The following LRRN2 variants were observed in gnomAD, a reference collection of about 807,000 sequenced individuals.
LRRN2 encodes leucine-rich repeat neuronal protein 2.
A neutral mutation model predicts 35.7 loss-of-function variants in LRRN2; 10 were observed. The observed-to-expected ratio is 0.28, with a 90% CI of 0.17 to 0.47. The LOEUF is 0.47. Among genes scored for constraint, LRRN2 ranks in the 20% least tolerant of loss-of-function variants. LRRN2 has a pLI of 0.99. For missense variants in LRRN2, 731 were observed against 940.3 expected (o/e 0.78, Z 2.91); for synonymous variants, 391 against 409.6 (o/e 0.95, Z 0.55).
At position 204,631,256 on chromosome 1, in the gene LRRN2, C is replaced by CTATA. The variant is rs1162626713; in HGVS notation, c.-226-11042_-226-11039dup. ...CAAGAAGAGTGATACCTAGAGTGTT[C>CTATA]TATATATATATATATATATATATAT... On this transcript the variant is annotated intron_variant, in intron 1 of 1. Transcript: ENST00000367177. Among the ~76,000 whole-genome samples the CTATA allele has an allele frequency of 7.7e-3, 285 of 36,822 alleles. 13 individuals carry two copies. The highest frequency in any genetic ancestry group is 8.4e-3 in the Non-Finnish European group (166 of 19,688). 24.2% of individuals were successfully genotyped at this position (36,822 alleles called of 152,430 possible).
intron 1 of LRRN2, among the ~76,000 whole-genome samples, chr1:204,637,829 A>G (rs1667873603): frequency 6.6e-6 from 1 of 152,088 alleles, no homozygotes; most frequent in Non-Finnish European, 1.5e-5. Context: ...TGCTCTTTAA[A>G]CACAGGAGTT....
intron 1 of LRRN2, among the ~76,000 whole-genome samples, chr1:204,646,158 AG>A (rs1302078002): frequency 1.3e-5 from 2 of 151,970 alleles, no homozygotes. Context: ...AAAGATGGGG[AG>A]GGGGGACTCC....
rs1189629369 is a variant in LRRN2, at chr1:204,618,651, G to T, written c.1342C>A (p.Leu448Met). ...TAGATCTCGGGTTCGGGTTCGGCCA[G>T]TGCCCGGCAATGCAGCACCATGCTC... ...GESMVLHCRA[L>M]AEPEPEIYWV... Residue 448 changes from leucine to methionine, a missense_variant, in exon 2 of 2, where the codon CTG becomes ATG. Leu to Met is a conservative substitution (Grantham distance 15). This residue lies in a region of LRRN2 where 256 missense variants were observed against 392.4 expected (regional missense o/e 0.65). Coordinates refer to ENST00000367177, the MANE Select transcript of LRRN2 (RefSeq NM_201630.2). 2 of 1,609,266 alleles carry T rather than the reference G, an allele frequency of 1.2e-6. No individual in the cohort carries two copies. The highest frequency in any genetic ancestry group is 1.7e-6 in the Non-Finnish European group (2 of 1,177,498).
chr1:204,683,713 T>C (rs1197988908), intron 1 of LRRN2, among the ~76,000 whole-genome samples: 1 of 152,164 alleles, frequency 6.6e-6, no homozygotes, highest in Non-Finnish European at 1.5e-5. Flanking sequence ...TTTAGTTCCA[T>C]GCTTTGCAAA....
At chr1:204,639,355 C>T (rs528315870) in intron 1 of LRRN2, among the ~76,000 whole-genome samples, 6 of 152,306 alleles carry the variant, frequency 3.9e-5, no homozygotes, top group Admixed American at 6.5e-5. Context: ...GAGTAATAGC[C>T]GGGCATGGTG....
chr1:204,666,554 T>A (rs766835651), intron 1 of LRRN2, among the ~76,000 whole-genome samples: 1 of 152,288 alleles, frequency 6.6e-6, no homozygotes, highest in Non-Finnish European at 1.5e-5. Flanking sequence ...GGGTGGATGG[T>A]TAAATAATTG....
At chr1:204,682,543 G>A (rs993110889) in intron 1 of LRRN2, among the ~76,000 whole-genome samples, 1 of 152,194 alleles carries the variant, frequency 6.6e-6, no homozygotes, top group African/African-American at 2.4e-5. Context: ...TCCTCTCCAG[G>A]CCTCAATTTC....
At chr1:204,626,122 C>T (rs868502150) in intron 1 of LRRN2, among the ~76,000 whole-genome samples, 18 of 152,130 alleles carry the variant, frequency 1.2e-4, no homozygotes, top group South Asian at 2.1e-4. Flanking sequence ...TCACTCTACT[C>T]GGCAGTCTCA....
At chr1:204,632,065 C>T (rs181870829) in intron 1 of LRRN2, among the ~76,000 whole-genome samples, 2 of 151,874 alleles carry the variant, frequency 1.3e-5, no homozygotes, top group Non-Finnish European at 2.9e-5. Flanking sequence ...TACCAAAAAA[C>T]AAACAAACAA....
intron 1 of LRRN2, among the ~76,000 whole-genome samples, chr1:204,631,476 G>A (rs1359800173): frequency 4.0e-5 from 6 of 150,064 alleles, no homozygotes; most frequent in Non-Finnish European, 8.9e-5. Context: ...AGGAGGGCAG[G>A]TGGGGATTCA....
Position 204,681,784 on chromosome 1 carries a change from T to A in LRRN2, c.-227+3536A>T, listed in dbSNP as rs1438359460. On this transcript the variant is annotated intron_variant, in intron 1 of 1. Coordinates refer to ENST00000367177, the MANE Select transcript of LRRN2 (RefSeq NM_201630.2). Reference sequence around the variant, plus strand: ...AGGCCCCGCACTGGAAAGTAACAGATAAAGGCATCTTTCTGACTCGTCCTT... The same window carrying A: ...AGGCCCCGCACTGGAAAGTAACAGAAAAAGGCATCTTTCTGACTCGTCCTT... 2.0e-5 allele frequency among the ~76,000 whole-genome samples: 3 copies of A among 152,268 alleles called. No homozygotes were observed. The East Asian group carries it at 5.8e-4, about 29-fold the overall frequency.
chr1:204,655,326 C>T (rs1399870868), intron 1 of LRRN2, among the ~76,000 whole-genome samples: 2 of 152,204 alleles, frequency 1.3e-5, no homozygotes, highest in Non-Finnish European at 2.9e-5. Flanking sequence ...CTTGCTCTGT[C>T]ACCCAGGCTG....
chr1:204,619,174 G>T lies in LRRN2; in HGVS notation c.819C>A (p.Leu273=). The T allele has an allele frequency of 6.2e-7, 1 of 1,614,054 alleles. No homozygotes were observed. Among genetic ancestry groups the T allele is most frequent in the South Asian group, 1.1e-5 (1 of 91,090 alleles). The stretch of plus-strand genomic sequence containing the variant: ...CAAAGTCCCCCGGCCCTACCCGCTG[G>T]AGCGGGTTCTTGTTGAGGTCTAGGA... The part of the protein sequence containing the change: ...LKFLDLNKNP[L]QRVGPGDFAN... Residue 273 remains leucine, a synonymous_variant, in exon 2 of 2, where the codon CTC becomes CTA. Coordinates refer to ENST00000367177, the MANE Select transcript of LRRN2 (RefSeq NM_201630.2).
At chr1:204,625,997 C>T (rs1322559886) in intron 1 of LRRN2, among the ~76,000 whole-genome samples, 2 of 152,186 alleles carry the variant, frequency 1.3e-5, no homozygotes, top group Non-Finnish European at 2.9e-5. Context: ...TCCTGGCCCC[C>T]GTGCCCTCTA....
chr1:204,638,137 TGAGGCCTGCAGGCA>T lies in LRRN2; in HGVS notation c.-226-17933_-226-17920del, dbSNP rs764314401. Among the ~76,000 whole-genome samples the T allele has an allele frequency of 2.4e-5, 3 of 122,994 alleles. 1 individual carries two copies. The highest frequency in any genetic ancestry group is 4.9e-5 in the Non-Finnish European group (3 of 61,706). 80.7% of individuals were successfully genotyped at this position (122,994 alleles called of 152,430 possible). ...CCGCCCCGAACATCAGGCCTTGGCA[TGAGGCCTGCAGGCA>T]GAGGCCTGGGGAATATAATCACCAG... is the stretch of plus-strand genomic sequence containing the variant. On this transcript the variant is annotated intron_variant, in intron 1 of 1. Coordinates refer to ENST00000367177, the MANE Select transcript of LRRN2 (RefSeq NM_201630.2).
At chr1:204,655,174 G>A (rs1668321162) in intron 1 of LRRN2, among the ~76,000 whole-genome samples, 1 of 152,266 alleles carries the variant, frequency 6.6e-6, no homozygotes, top group Non-Finnish European at 1.5e-5. Context: ...CTCCAAGAGT[G>A]GAAATGAGGT....
intron 1 of LRRN2, among the ~76,000 whole-genome samples, chr1:204,674,027 G>A (rs1252238694): frequency 6.6e-6 from 1 of 152,134 alleles, no homozygotes; most frequent in Admixed American, 6.5e-5. Context: ...GACCTGCCAC[G>A]TTTGAATGCG....
rs1666487338 is a variant in LRRN2, at chr1:204,618,021, C to A, written c.1972G>T (p.Gly658Cys). The A allele has an allele frequency of 6.2e-7, 1 of 1,612,590 alleles. No homozygotes were observed. The highest frequency in any genetic ancestry group is 1.3e-5 in the African/African-American group (1 of 74,894). The change falls in exon 2 of 2, where the codon GGT becomes TGT. Residue 658 changes from glycine to cysteine, a missense_variant. Physicochemically the swap from Gly to Cys is radical, Grantham distance 159. Transcript: ENST00000367177. The stretch of plus-strand genomic sequence containing the variant: ...GGGAGAGGCCGCCTCCCACCCACAC[C>A]CTTCCTGGGTTGGCCTGTGCCAAGG... ...AHLGTGQPRK[G>C]VGGRRPLPPA...
chr1:204,658,170 G>T (rs1199863292), intron 1 of LRRN2, among the ~76,000 whole-genome samples: 1 of 151,686 alleles, frequency 6.6e-6, no homozygotes, highest in South Asian at 2.1e-4. Context: ...TGGAGACGGG[G>T]TTTCACTATA....
Sources: gnomAD v4.1 joint callset for allele counts (sites outside exome capture counted in the v4.1 genomes callset) on GRCh38, gnomAD v4.1.1 for gene constraint, gnomAD v4.1.1 regional missense constraint, MANE v1.5 for transcripts, NCBI Gene and HGNC (gene_info 2026-07-23, HGNC 2026-07-21) for gene names.